The following LONRF1 variants were observed in gnomAD, a reference collection of about 807,000 sequenced individuals.
LONRF1 encodes the protein LON peptidase N-terminal domain and RING finger protein 1.
Under a neutral mutation model 85.8 loss-of-function variants are expected in LONRF1, and 37 were observed. The observed-to-expected ratio is 0.43, with a 90% CI of 0.33 to 0.57. The LOEUF is 0.57. Ranked by LOEUF, LONRF1 falls within the 20% of genes least tolerant of loss-of-function variation. The pLI, the probability that LONRF1 is intolerant of heterozygous loss-of-function variation, is 0.04. For synonymous variants in LONRF1, 517 were observed against 390.1 expected (o/e 1.33, Z -3.83); for missense variants, 1,036 against 978.0 (o/e 1.06, Z -0.79).
intron 11 of LONRF1, among the ~76,000 whole-genome samples, chr8:12,724,757 T>C (rs1806092147): frequency 6.6e-6 from 1 of 152,228 alleles, no homozygotes; most frequent in Non-Finnish European, 1.5e-5. Flanking sequence ...TTCTGTGATG[T>C]TTAATCAGAT....
At chr8:12,746,983 A>G (rs9325793) in intron 1 of LONRF1, among the ~76,000 whole-genome samples, 123,758 of 152,196 alleles carry the variant, frequency 0.81, 50,763 homozygotes, top group East Asian at 0.94. Flanking sequence ...CATCGTATAT[A>G]TACATTATTT....
At chr8:12,747,047 T>G (rs760676681) in intron 1 of LONRF1, among the ~76,000 whole-genome samples, 8 of 152,232 alleles carry the variant, frequency 5.3e-5, no homozygotes, top group Non-Finnish European at 1.0e-4. Flanking sequence ...TTTCCTGCCT[T>G]TTATCCTCAG....
At chr8:12,727,301 T>C (rs1798350535) in intron 10 of LONRF1, 2 of 146,306 alleles carry the variant, frequency 1.4e-5, no homozygotes, top group Admixed American at 1.4e-4. Flanking sequence ...GCCAGCTCCA[T>C]TTTAAAAGCA....
chr8:12,739,571 A>G (rs1033178033), intron 3 of LONRF1, among the ~76,000 whole-genome samples: 3 of 152,140 alleles, frequency 2.0e-5, no homozygotes, highest in Admixed American at 1.3e-4. Flanking sequence ...AGGTACATAC[A>G]TTTTTCAAAA....
rs1312623103 is a variant in LONRF1, at chr8:12,725,653, A to G, written c.2163+74T>C. 3.4e-6 allele frequency: 5 copies of G among 1,451,054 alleles called. No homozygotes were observed. In the African/African-American group the frequency reaches 7.1e-5, roughly 21 times the overall value. 89.9% of individuals were successfully genotyped at this position (1,451,054 alleles called of 1,614,324 possible). ...AAAGTAGTGCAGAAAGGACAATGAG[A>G]AAACAAATGTAGAAGTGTGCAAATT... On this transcript the variant is annotated intron_variant, in intron 11 of 11. Coordinates refer to ENST00000398246, the MANE Select transcript of LONRF1 (RefSeq NM_152271.5).
At chr8:12,753,501 G>A (rs1408145030) in intron 1 of LONRF1, 1 of 152,090 alleles carries the variant, frequency 6.6e-6, no homozygotes, top group Non-Finnish European at 1.5e-5. Flanking sequence ...CTTTGTTGTG[G>A]GAATCCTGCT....
intron 7 of LONRF1, among the ~76,000 whole-genome samples, chr8:12,734,684 A>C (rs922009365): frequency 6.6e-6 from 1 of 152,288 alleles, no homozygotes; most frequent in African/African-American, 2.4e-5. Flanking sequence ...CTTCTTTCCA[A>C]TCTACCACTT....
rs3839870 is a variant in LONRF1, at chr8:12,722,784, GCACA to G, written c.*308_*311del. On this transcript the variant is annotated 3_prime_UTR_variant, in exon 12 of 12. Coordinates refer to ENST00000398246, the MANE Select transcript of LONRF1 (RefSeq NM_152271.5). ...CCAACCCCCACAAGCACACACGCACGCACACACACACACACACTCTCTCACAGAC... is the reference window on the plus strand; with the variant it reads ...CCAACCCCCACAAGCACACACGCACGCACACACACACACTCTCTCACAGAC... 1.5e-4 allele frequency: 27 copies of G among 174,632 alleles called. No homozygotes were observed. The highest frequency in any genetic ancestry group is 6.5e-4 in the South Asian group (4 of 6,178). The allele number at this position is 174,632 out of a possible 1,614,324, so 10.8% of individuals were successfully genotyped here.
In LONRF1 at chr8:12,755,067, G is replaced by C. The variant is rs979434381; in HGVS notation, c.354C>G (p.Gly118=). The C allele has an allele frequency of 6.8e-7, 1 of 1,473,222 alleles. No individual in the cohort carries two copies. The highest frequency in any genetic ancestry group is 1.5e-5 in the African/African-American group (1 of 68,308). The allele number at this position is 1,473,222 out of a possible 1,614,324, so 91.3% of individuals were successfully genotyped here. The change falls in exon 1 of 12, where the codon GGC becomes GGG. Residue 118 remains glycine (G), a synonymous_variant. Coordinates refer to ENST00000398246, the MANE Select transcript of LONRF1 (RefSeq NM_152271.5). ...APVAGADGGA[G]GLLRCLGCRG... The stretch of plus-strand genomic sequence containing the variant: ...GGCAGCCCAGGCATCTGAGGAGCCC[G>C]CCGGCGCCGCCGTCAGCGCCTGCAA...
intron 1 of LONRF1, among the ~76,000 whole-genome samples, chr8:12,745,162 G>T (rs1317478256): frequency 1.3e-5 from 2 of 152,150 alleles, no homozygotes; most frequent in East Asian, 3.9e-4. Context: ...CCTAAAGGAG[G>T]TCCTAAAAAG....
chr8:12,738,034 C>T lies in LONRF1; in HGVS notation c.1074G>A (p.Met358Ile), dbSNP rs1798789055. ...GTTCATTGAGAGACTGAGACTCTTCCATCACTGAATGAAAATCAAAAGGTC... is the reference window on the plus strand; with the variant it reads ...GTTCATTGAGAGACTGAGACTCTTCTATCACTGAATGAAAATCAAAAGGTC... ...KNRPFDFHSVMEESQSLNEPS... is the reference protein window; with the variant it reads ...KNRPFDFHSVIEESQSLNEPS... The change falls in exon 4 of 12, where the codon ATG becomes ATA. Residue 358 changes from methionine (M) to isoleucine (I), a missense_variant. By Grantham distance (10) the Met-to-Ile change is conservative. This residue lies in a region of LONRF1 where 742 missense variants were observed against 614.4 expected (regional missense o/e 1.21). Coordinates refer to ENST00000398246, the MANE Select transcript of LONRF1 (RefSeq NM_152271.5). The T allele has an allele frequency of 5.0e-6, 8 of 1,610,624 alleles. No homozygotes were observed. Among genetic ancestry groups the T allele is most frequent in the Non-Finnish European group, 6.8e-6 (8 of 1,178,554 alleles).
intron 7 of LONRF1, among the ~76,000 whole-genome samples, chr8:12,733,304 C>T (rs879870286): frequency 2.4e-5 from 3 of 125,838 alleles, no homozygotes; most frequent in African/African-American, 5.5e-5. Flanking sequence ...GCCACTCTTA[C>T]ATTACTGATA....
At position 12,725,760 on chromosome 8, in the gene LONRF1, G is replaced by A. The variant is rs757082414; in HGVS notation, c.2130C>T (p.Phe710=). 34 of 1,613,228 alleles carry A rather than the reference G, an allele frequency of 2.1e-5. No homozygotes were observed. The highest frequency in any genetic ancestry group is 1.2e-4 in the South Asian group (11 of 91,030). ...TTTCCTCCCTCTCGGGCATTGATCC[G>A]AAATGCTGAAGAATTTGGCTTCGAA... is the stretch of plus-strand genomic sequence containing the variant. ...DRFRSQILQH[F]GSMPEREENL... The change falls in exon 11 of 12, where the codon TTC becomes TTT. Residue 710 remains phenylalanine (F), a synonymous_variant. Transcript: ENST00000398246.
At position 12,723,207 on chromosome 8, in the gene LONRF1, G is replaced by C; in HGVS notation, c.2211C>G (p.Leu737=). 6.2e-7 allele frequency: 1 copy of C among 1,614,122 alleles called. No homozygotes were observed. Among genetic ancestry groups the C allele is most frequent in the Non-Finnish European group, 8.5e-7 (1 of 1,180,000 alleles). The change falls in exon 12 of 12, where the codon CTC becomes CTG. Residue 737 remains leucine (L), a synonymous_variant. Coordinates refer to ENST00000398246, the MANE Select transcript of LONRF1 (RefSeq NM_152271.5). ...PAWCWWLLAV[L]PVDPRYQLSV... The stretch of plus-strand genomic sequence containing the variant: ...ACAGCTGGTATCGTGGGTCTACAGG[G>C]AGAACTGCAAGAAGCCACCAACACC...
rs1348027309 is a variant in LONRF1, at chr8:12,754,956, G to A, written c.465C>T (p.Cys155=). The A allele has an allele frequency of 4.0e-6, 6 of 1,490,008 alleles. No homozygotes were observed. The highest frequency in any genetic ancestry group is 5.7e-5 in the East Asian group (2 of 35,036). The allele number at this position is 1,490,008 out of a possible 1,614,324, so 92.3% of individuals were successfully genotyped here. A position where few individuals can be genotyped will look rare whatever the true frequency, so the allele number is the denominator to read the frequency against. ...GCGGCAGCCGGTCCCGGCAGAGGCG[G>A]CAGCGGGCGCGGAGTTCCCTCCGCA... ...RCLRRELRAR[C]RLCRDRLPPA... Residue 155 remains cysteine (C), a synonymous_variant, in exon 1 of 12, where the codon TGC becomes TGT. Transcript: ENST00000398246.
At chr8:12,727,988 C>G (rs978596898) in intron 10 of LONRF1, among the ~76,000 whole-genome samples, 10 of 152,156 alleles carry the variant, frequency 6.6e-5, no homozygotes, top group Admixed American at 2.0e-4. Context: ...TAATTAACAC[C>G]TCTGAATTGT....
At chr8:12,752,361 C>T (rs1799442518) in intron 1 of LONRF1, among the ~76,000 whole-genome samples, 1 of 152,186 alleles carries the variant, frequency 6.6e-6, no homozygotes, top group South Asian at 2.1e-4. Context: ...CGGCCCTTTA[C>T]CAACTCTAAT....
intron 11 of LONRF1, among the ~76,000 whole-genome samples, chr8:12,724,883 G>C (rs933471300): frequency 2.6e-5 from 4 of 152,186 alleles, no homozygotes; most frequent in Non-Finnish European, 4.4e-5. Flanking sequence ...GGATTCAATT[G>C]GGATTCAGAC....
Position 12,738,148 on chromosome 8 carries a change from T to TA in LONRF1, c.964-5dup. 1 of 1,498,406 alleles carries TA rather than the reference T, an allele frequency of 6.7e-7. No homozygotes were observed. The highest frequency in any genetic ancestry group is 9.1e-7 in the Non-Finnish European group (1 of 1,100,950). The allele number at this position is 1,498,406 out of a possible 1,614,324, so 92.8% of individuals were successfully genotyped here. A position where few individuals can be genotyped will look rare whatever the true frequency, so the allele number is the denominator to read the frequency against. ...GTAATAATAAATCACATAAAATCTGTAAGAGAAATATTAAAAGTAGTAGAA... is the reference window on the plus strand; with the variant it reads ...GTAATAATAAATCACATAAAATCTGTAAAGAGAAATATTAAAAGTAGTAGAA... On this transcript the variant is annotated splice_region_variant and splice_polypyrimidine_tract_variant and intron_variant, in intron 3 of 11. Transcript: ENST00000398246.
Sources: allele counts gnomAD v4.1 joint callset (sites outside exome capture counted in the v4.1 genomes callset), GRCh38; gene constraint gnomAD v4.1.1; regional missense constraint gnomAD v4.1.1; transcripts MANE v1.5; gene names NCBI Gene and HGNC (gene_info 2026-07-23, HGNC 2026-07-21).